PRKG2: variants seen among roughly 807,000 people sequenced by gnomAD.
PRKG2 encodes cGMP-dependent protein kinase 2.
A neutral mutation model predicts 97.2 loss-of-function variants in PRKG2; 33 were observed. The ratio of observed to expected loss-of-function variants is 0.34; its 90% confidence interval spans 0.26 to 0.45. The LOEUF (loss-of-function observed/expected upper bound fraction) is 0.45. Among genes scored for constraint, PRKG2 ranks in the 20% least tolerant of loss-of-function variants. The probability of loss-of-function intolerance (pLI) is 1.00; values close to 1 mark genes in which losing one functional copy is unlikely to be tolerated. For missense variants in PRKG2, 638 were observed against 900.0 expected (o/e 0.71, Z 3.73); for synonymous variants, 330 against 321.8 (o/e 1.03, Z -0.27).
intron 2 of PRKG2, among the ~76,000 whole-genome samples, chr4:81,203,729 C>A (rs1234702886): frequency 6.6e-6 from 1 of 151,084 alleles, no homozygotes; most frequent in African/African-American, 2.5e-5. Context: ...TGTGTGCGCA[C>A]ACACACACAC....
At chr4:81,169,931 G>A (rs760727022) in intron 4 of PRKG2, among the ~76,000 whole-genome samples, 163 bp from the exon 5 acceptor site, 7 of 151,992 alleles carry the variant, frequency 4.6e-5, no homozygotes, top group Non-Finnish European at 8.8e-5. Context: ...TAAATAGTGA[G>A]CAATTTTATA....
intron 12 of PRKG2, among the ~76,000 whole-genome samples, chr4:81,139,781 C>CAAAAAAAAAAAAAAAAAAAAA (rs548249378): frequency 1.3e-5 from 1 of 75,330 alleles, no homozygotes; most frequent in East Asian, 3.2e-4. Flanking sequence ...TCTCAAAAGA[C>CAAAAAAAAAAAAAAAAAAAAA]AAAAAAAAAA....
intron 14 of PRKG2, among the ~76,000 whole-genome samples, chr4:81,130,650 T>C (rs1264171589): frequency 2.0e-5 from 3 of 152,286 alleles, no homozygotes; most frequent in Admixed American, 2.0e-4. Flanking sequence ...TATGAGCCCC[T>C]GAGTGGGACT....
rs2109930448 is a variant in PRKG2 at position 81,087,974 on chromosome 4, T to C, written c.*1734A>G. 6.6e-6 allele frequency: 1 copy of C among 152,264 alleles called. No homozygotes were observed. The highest frequency in any genetic ancestry group is 2.1e-4 in the South Asian group (1 of 4,828). The allele number at this position is 152,264 out of a possible 1,614,324, so 9.4% of individuals were successfully genotyped here. On this transcript the variant is annotated 3_prime_UTR_variant, in exon 19 of 19. Coordinates refer to ENST00000264399, the MANE Select transcript of PRKG2 (RefSeq NM_006259.3). ...ACCCAATACATAAATTTTCTATCTT[T>C]ATAGGTTGGAAATTTAAAAATATAT...
intron 15 of PRKG2, among the ~76,000 whole-genome samples, chr4:81,106,211 T>C (rs539775601): frequency 1.2e-4 from 18 of 152,072 alleles, no homozygotes; most frequent in African/African-American, 4.3e-4. Context: ...ACAGAGAAGG[T>C]GTGATTTTTT....
At chr4:81,111,522 C>G (rs1743984747) in intron 14 of PRKG2, among the ~76,000 whole-genome samples, 1 of 151,322 alleles carries the variant, frequency 6.6e-6, no homozygotes, top group Admixed American at 6.6e-5. Flanking sequence ...TCATATATGT[C>G]AAGAACATTA....
chr4:81,209,392 A>T (rs768763658), intron 1 of PRKG2, among the ~76,000 whole-genome samples: 14 of 152,116 alleles, frequency 9.2e-5, no homozygotes, highest in Non-Finnish European at 1.9e-4. Context: ...ACACACATAT[A>T]TAGATGTGTG....
intron 16 of PRKG2, among the ~76,000 whole-genome samples, chr4:81,104,962 G>T (rs886678743): frequency 4.6e-5 from 7 of 152,026 alleles, no homozygotes; most frequent in African/African-American, 1.7e-4. Flanking sequence ...AGAAGTTGGG[G>T]TAATTTAAAA....
chr4:81,089,761 G>A lies in PRKG2; in HGVS notation c.2236C>T (p.Pro746Ser), dbSNP rs1017752528. The change falls in exon 19 of 19, where the codon CCT becomes TCT. Residue 746 changes from proline to serine, a missense_variant. Pro to Ser is a moderately conservative substitution (Grantham distance 74). Around this residue, in one of 3 missense-constraint regions of PRKG2, gnomAD observed 304 missense variants for 460.5 expected, o/e 0.66. Transcript: ENST00000264399. The part of the protein sequence containing the change: ...IDHSYFDKYP[P>S]EKGMPPDELS... Reference sequence around the variant, plus strand: ...TCATCTGGAGGCATTCCCTTTTCAGGAGGATATTTGTCAAAGTAGCTGTGA... The same window carrying A: ...TCATCTGGAGGCATTCCCTTTTCAGAAGGATATTTGTCAAAGTAGCTGTGA... 2.5e-6 allele frequency: 4 copies of A among 1,613,038 alleles called. No homozygotes were observed. Among genetic ancestry groups the A allele is most frequent in the Admixed American group, 1.7e-5 (1 of 60,004 alleles).
At chr4:81,186,128 G>T (rs1751861321) in intron 2 of PRKG2, among the ~76,000 whole-genome samples, 1 of 152,074 alleles carries the variant, frequency 6.6e-6, no homozygotes. Flanking sequence ...AGACCTAACA[G>T]ATCCCTACAG....
upstream of PRKG2, among the ~76,000 whole-genome samples, chr4:81,215,841 T>C (rs143142871): frequency 2.5e-3 from 385 of 152,064 alleles, 1 homozygote; most frequent in African/African-American, 8.8e-3. Context: ...GGGAGCTTTC[T>C]TGATCACCCA....
chr4:81,195,892 G>A (rs1752931233), intron 2 of PRKG2, among the ~76,000 whole-genome samples: 1 of 152,140 alleles, frequency 6.6e-6, no homozygotes, highest in African/African-American at 2.4e-5. Context: ...TCCTAAACAG[G>A]AATCTCACAC....
chr4:81,133,101 C>T (rs1165357717), intron 14 of PRKG2, among the ~76,000 whole-genome samples: 1 of 152,042 alleles, frequency 6.6e-6, no homozygotes, highest in Non-Finnish European at 1.5e-5. Context: ...GGAACTTGGG[C>T]ATGCCACCAA....
intron 14 of PRKG2, among the ~76,000 whole-genome samples, chr4:81,128,076 C>A (rs572230486): frequency 3.9e-5 from 6 of 152,282 alleles, no homozygotes; most frequent in Admixed American, 6.5e-5. Context: ...TTTTCTGCAT[C>A]TATTGAGATA....
Position 81,112,164 on chromosome 4 carries a change from G to T in PRKG2, c.1777-1553C>A, listed in dbSNP as rs1209745858. Reference sequence around the variant, plus strand: ...TTAGTATTTATCACACAACAGCAAGGATTTTCCTATTGGAAAAAAGGAATT... The same window carrying T: ...TTAGTATTTATCACACAACAGCAAGTATTTTCCTATTGGAAAAAAGGAATT... On this transcript the variant is annotated intron_variant, in intron 14 of 18. Transcript: ENST00000264399. Among the ~76,000 whole-genome samples, 4 of 152,066 alleles carry T rather than the reference G, an allele frequency of 2.6e-5. No homozygotes were observed. In the South Asian group the frequency reaches 8.3e-4, roughly 32 times the overall value.
rs1350411001 is a variant in PRKG2 at position 81,205,051 on chromosome 4, G to T, written c.-4C>A. The T allele has an allele frequency of 1.9e-6, 3 of 1,593,318 alleles. No individual in the cohort carries two copies. Among genetic ancestry groups the T allele is most frequent in the Middle Eastern group, 1.7e-4 (1 of 5,966 alleles). On this transcript the variant is annotated 5_prime_UTR_variant, in exon 2 of 19. Coordinates refer to ENST00000264399, the MANE Select transcript of PRKG2 (RefSeq NM_006259.3). ...GTTTCACTGAACCATTTCCCATTTT[G>T]CTCAGGGACCTGAGAAGGCACAGAA...
chr4:81,190,739 GAGAAAA>G (rs964782955), intron 2 of PRKG2, among the ~76,000 whole-genome samples: 2 of 151,410 alleles, frequency 1.3e-5, no homozygotes, highest in African/African-American at 4.8e-5. Context: ...ACAAATCTAC[GAGAAAA>G]AAAATAACTC....
At chr4:81,192,772 G>A (rs148270548) in intron 2 of PRKG2, among the ~76,000 whole-genome samples, 1 of 152,274 alleles carries the variant, frequency 6.6e-6, no homozygotes, top group East Asian at 1.9e-4. Flanking sequence ...AGGCACTGAC[G>A]AGACCCTCTG....
intron 17 of PRKG2, among the ~76,000 whole-genome samples, chr4:81,103,860 G>C (rs1297712168): frequency 1.3e-5 from 2 of 151,924 alleles, no homozygotes; most frequent in Non-Finnish European, 2.9e-5. Flanking sequence ...GTGAAACCCT[G>C]TCTCTACTAA....
Sources: gnomAD v4.1 joint callset for allele counts (sites outside exome capture counted in the v4.1 genomes callset) on GRCh38, gnomAD v4.1.1 for gene constraint, gnomAD v4.1.1 regional missense constraint, MANE v1.5 for transcripts, NCBI Gene and HGNC (gene_info 2026-07-23, HGNC 2026-07-21) for gene names.